Variants in SETBP1 observed in about 807,000 individuals in gnomAD.
SETBP1 encodes the protein SET-binding protein.
Under a neutral mutation model 101.0 loss-of-function variants are expected in SETBP1, and 9 were observed. The observed-to-expected ratio is 0.09, with a 90% confidence interval of 0.05 to 0.16. The LOEUF (loss-of-function observed/expected upper bound fraction) is 0.16, where lower values mean the gene tolerates loss of function less well. SETBP1 is among the 10% of genes least tolerant of loss of function. The pLI is 1.00. For synonymous variants in SETBP1, 818 were observed against 788.5 expected, an observed-to-expected ratio of 1.04 and a Z score of -0.63; for missense variants, 1,858 against 2,033.8, an observed-to-expected ratio of 0.91 and a Z score of 1.66.
intron 4 of SETBP1, among the ~76,000 whole-genome samples, chr18:44,971,651 T>C (rs553159369): frequency 6.6e-6 from 1 of 152,378 alleles, no homozygotes; most frequent in South Asian, 2.1e-4. Context: ...TTTTCACATG[T>C]CTTTTGGCTG....
intron 2 of SETBP1, among the ~76,000 whole-genome samples, chr18:44,710,198 C>G (rs916327929): frequency 7.2e-5 from 11 of 152,086 alleles, no homozygotes; most frequent in Non-Finnish European, 2.9e-5. Flanking sequence ...TTTCTGATTC[C>G]TGCAAGTTTA....
intron 3 of SETBP1, among the ~76,000 whole-genome samples, chr18:44,897,942 A>G (rs1308194461): frequency 6.6e-6 from 1 of 152,190 alleles, no homozygotes; most frequent in Non-Finnish European, 1.5e-5. Context: ...CTTCCAGTAT[A>G]TGAGAGTGTT....
chr18:44,975,620 T>A (rs2071969087), intron 4 of SETBP1, among the ~76,000 whole-genome samples: 1 of 152,202 alleles, frequency 6.6e-6, no homozygotes, highest in Non-Finnish European at 1.5e-5. Context: ...AAGAGTTTGA[T>A]TATCAGAATA....
At chr18:44,746,826 G>A (rs905501914) in intron 2 of SETBP1, among the ~76,000 whole-genome samples, 2 of 152,192 alleles carry the variant, frequency 1.3e-5, no homozygotes, top group Admixed American at 6.5e-5. Context: ...TGGTATGGCC[G>A]TGAGGACAAT....
intron 2 of SETBP1, among the ~76,000 whole-genome samples, chr18:44,859,086 G>C (rs2073028991): frequency 6.6e-6 from 1 of 151,676 alleles, no homozygotes; most frequent in Non-Finnish European, 1.5e-5. Flanking sequence ...GGGGAAGGAG[G>C]GGGAAGGGAC....
chr18:44,786,572 C>G (rs1282312045), intron 2 of SETBP1, among the ~76,000 whole-genome samples: 1 of 152,104 alleles, frequency 6.6e-6, no homozygotes, highest in Non-Finnish European at 1.5e-5. Context: ...TGGTAAAGAT[C>G]AAGGGTAACA....
At chr18:44,947,453 G>A (rs1307246642) in intron 3 of SETBP1, among the ~76,000 whole-genome samples, 2 of 144,670 alleles carry the variant, frequency 1.4e-5, no homozygotes, top group Non-Finnish European at 1.5e-5. Flanking sequence ...TGCAAGTCCT[G>A]TTTTACCCAG....
intron 3 of SETBP1, among the ~76,000 whole-genome samples, chr18:44,894,953 A>C (rs2144800041): frequency 1.1e-5 from 1 of 94,480 alleles, no homozygotes; most frequent in Non-Finnish European, 2.3e-5. Context: ...TCTCTGCAAA[A>C]CTTAAAAAAA....
intron 3 of SETBP1, among the ~76,000 whole-genome samples, chr18:44,893,908 T>C (rs560847215): frequency 5.9e-5 from 9 of 152,258 alleles, no homozygotes; most frequent in Admixed American, 4.6e-4. Flanking sequence ...TGAGAGTTGC[T>C]GCCTATCTAT....
At chr18:44,877,105 A>G (rs1314785432) in intron 3 of SETBP1, 1 of 1,013,032 alleles carries the variant, frequency 9.9e-7, no homozygotes, top group Non-Finnish European at 1.2e-6. Flanking sequence ...TATGCCATGG[A>G]TCTTTGCTCT....
chr18:44,701,809 G>T lies in SETBP1; in HGVS notation c.463G>T (p.Glu155Ter). Residue 155 changes from glutamate (E) to a stop codon, truncating the protein, a stop_gained, in exon 2 of 6, where the codon GAA becomes TAA. Transcript: ENST00000649279. LOFTEE classifies it high-confidence loss of function. The part of the protein sequence containing the change: ...GKNSKATKEE[E>*]RSHSKKKLLT... ...AAATAGCAAAGCCACGAAGGAGGAA[G>T]AAAGAAGCCACTCCAAAAAGAAGGT... The T allele has an allele frequency of 6.3e-7, 1 of 1,584,196 alleles. No homozygotes were observed.
chr18:44,961,942 T>TA lies in SETBP1; in HGVS notation c.4000+8603dup, dbSNP rs554821341. ...TAGATGAAAGCCTAACTGTCAGTCT[T>TA]ACAGAGCTTTTTACTATTGTGGAAT... On this transcript the variant is annotated intron_variant, in intron 4 of 5. Coordinates refer to ENST00000649279, the MANE Select transcript of SETBP1 (RefSeq NM_015559.3). 1.8e-4 allele frequency among the ~76,000 whole-genome samples: 28 copies of TA among 152,320 alleles called. 1 individual carries two copies. In the South Asian group the frequency reaches 4.3e-3, roughly 24 times the overall value.
intron 2 of SETBP1, among the ~76,000 whole-genome samples, chr18:44,753,434 C>A (rs950708964): frequency 2.6e-5 from 4 of 152,202 alleles, no homozygotes; most frequent in South Asian, 2.1e-4. Context: ...GCCTGGGTTA[C>A]TTAATGTCGT....
chr18:44,842,818 T>C (rs2072645307), intron 2 of SETBP1, among the ~76,000 whole-genome samples: 1 of 152,202 alleles, frequency 6.6e-6, no homozygotes, highest in African/African-American at 2.4e-5. Flanking sequence ...GCCCTCAATT[T>C]CCATCTGAGG....
chr18:44,781,597 T>TA (rs2071132894), intron 2 of SETBP1, among the ~76,000 whole-genome samples: 1 of 147,918 alleles, frequency 6.8e-6, no homozygotes, highest in East Asian at 2.1e-4. Context: ...GTTCCAGGCA[T>TA]AAAAAATGCC....
chr18:44,796,983 G>A (rs541651027), intron 2 of SETBP1, among the ~76,000 whole-genome samples: 13 of 152,214 alleles, frequency 8.5e-5, no homozygotes, highest in African/African-American at 3.1e-4. Flanking sequence ...GGGTAAATGA[G>A]GCCTCAGGAA....
At chr18:44,782,484 G>C (rs1216615884) in intron 2 of SETBP1, among the ~76,000 whole-genome samples, 1 of 152,158 alleles carries the variant, frequency 6.6e-6, no homozygotes, top group East Asian at 1.9e-4. Context: ...AGAAAAGCCA[G>C]GAGGAAAGAT....
At chr18:44,779,091 T>C (rs925212640) in intron 2 of SETBP1, among the ~76,000 whole-genome samples, 11 of 152,176 alleles carry the variant, frequency 7.2e-5, no homozygotes, top group Admixed American at 5.2e-4. Flanking sequence ...TTAAATGCAG[T>C]TTAATCTTCC....
At chr18:44,920,989 GTCTGAGGCCTCGAT>G (rs1203457828) in intron 3 of SETBP1, among the ~76,000 whole-genome samples, 1 of 152,184 alleles carries the variant, frequency 6.6e-6, no homozygotes, top group Non-Finnish European at 1.5e-5. Context: ...GAACTGACAA[GTCTGAGGCCTCGAT>G]TTCAGTCTTT....
Sources: gnomAD v4.1 joint callset for allele counts (sites outside exome capture counted in the v4.1 genomes callset) on GRCh38, gnomAD v4.1.1 for gene constraint, MANE v1.5 for transcripts, NCBI Gene and HGNC (gene_info 2026-07-23, HGNC 2026-07-21) for gene names.